The following DLGAP1 variants were observed in gnomAD, a reference collection of about 807,000 sequenced individuals.
DLGAP1 encodes disks large-associated protein 1.
A neutral mutation model predicts 90.8 loss-of-function variants in DLGAP1; 11 were observed. The observed-to-expected ratio is 0.12, with a 90% CI of 0.08 to 0.20. The LOEUF is 0.20. Among genes scored for constraint, DLGAP1 ranks in the 10% least tolerant of loss-of-function variants. The pLI, the probability that DLGAP1 is intolerant of heterozygous loss-of-function variation, is 1.00. For synonymous variants in DLGAP1, 558 were observed against 540.7 expected (o/e 1.03, Z -0.44); for missense variants, 1,050 against 1,333.8 (o/e 0.79, Z 3.31).
chr18:4,055,111 T>C (rs1472316320), intron 2 of DLGAP1, among the ~76,000 whole-genome samples: 1 of 152,170 alleles, frequency 6.6e-6, no homozygotes, highest in African/African-American at 2.4e-5. Flanking sequence ...ACAAGTTTGG[T>C]TCCTGCTCAT....
chr18:3,627,502 T>C (rs1440709637), intron 7 of DLGAP1, among the ~76,000 whole-genome samples: 1 of 151,602 alleles, frequency 6.6e-6, no homozygotes, highest in Non-Finnish European at 1.5e-5. Context: ...TCCCACACGC[T>C]ACAGTCCTAC....
At chr18:4,444,928 G>C (rs901157961) in intron 1 of DLGAP1, among the ~76,000 whole-genome samples, 3 of 152,170 alleles carry the variant, frequency 2.0e-5, no homozygotes, top group Admixed American at 6.5e-5. Flanking sequence ...TTTGTCCAAA[G>C]TCGTCTAGCT....
chr18:3,573,613 T>C (rs957234673), intron 8 of DLGAP1, among the ~76,000 whole-genome samples: 6 of 151,976 alleles, frequency 3.9e-5, no homozygotes, highest in African/African-American at 1.5e-4. Flanking sequence ...ATGATCCAAG[T>C]CCGTAACATT....
At chr18:4,195,161 A>G (rs1038316945) in intron 1 of DLGAP1, among the ~76,000 whole-genome samples, 1 of 152,194 alleles carries the variant, frequency 6.6e-6, no homozygotes, top group Non-Finnish European at 1.5e-5. Context: ...AGAATACTAC[A>G]GTTTTATCTA....
chr18:3,860,793 T>C (rs2070001777), intron 4 of DLGAP1, among the ~76,000 whole-genome samples: 1 of 152,196 alleles, frequency 6.6e-6, no homozygotes, highest in African/African-American at 2.4e-5. Context: ...ATGGGGGATA[T>C]AGGGCTGAAC....
At chr18:3,669,902 C>T (rs1791391) in intron 7 of DLGAP1, among the ~76,000 whole-genome samples, 98,273 of 151,940 alleles carry the variant, frequency 0.65, 33,812 homozygotes, top group African/African-American at 0.89. Context: ...CACACGACCA[C>T]TGGGGCTTCA....
intron 1 of DLGAP1, among the ~76,000 whole-genome samples, chr18:4,161,321 C>T (rs1361194339): frequency 6.6e-6 from 1 of 152,154 alleles, no homozygotes; most frequent in Non-Finnish European, 1.5e-5. Flanking sequence ...TCAACTCCCA[C>T]TTATGAATGA....
chr18:3,637,313 T>C (rs1260601818), intron 7 of DLGAP1, among the ~76,000 whole-genome samples: 1 of 152,102 alleles, frequency 6.6e-6, no homozygotes, highest in Non-Finnish European at 1.5e-5. Flanking sequence ...TGCAAATCCC[T>C]AGAAAAGTCT....
At chr18:4,444,166 G>A (rs534068987) in intron 1 of DLGAP1, among the ~76,000 whole-genome samples, 6 of 152,288 alleles carry the variant, frequency 3.9e-5, no homozygotes, top group Non-Finnish European at 8.8e-5. Context: ...CTGTGACCAC[G>A]AGGGAGACGC....
chr18:3,551,758 T>C (rs1162945543), intron 9 of DLGAP1, among the ~76,000 whole-genome samples: 2 of 95,474 alleles, frequency 2.1e-5, no homozygotes, highest in African/African-American at 8.2e-5. Flanking sequence ...CTTCCTTCCT[T>C]CCTTCCTTCC....
chr18:3,956,442 G>A (rs986381519), intron 3 of DLGAP1, among the ~76,000 whole-genome samples: 5 of 151,222 alleles, frequency 3.3e-5, no homozygotes, highest in East Asian at 2.0e-4. Context: ...TCCGCCTCCC[G>A]GGTTCACGCC....
chr18:4,453,857 G>C (rs1168005968), intron 1 of DLGAP1, among the ~76,000 whole-genome samples: 1 of 152,124 alleles, frequency 6.6e-6, no homozygotes, highest in African/African-American at 2.4e-5. Flanking sequence ...GAAGAGTCTC[G>C]CCTGGATCCA....
intron 3 of DLGAP1, among the ~76,000 whole-genome samples, chr18:3,922,007 G>T (rs1175086629): frequency 6.6e-6 from 1 of 152,054 alleles, no homozygotes; most frequent in Non-Finnish European, 1.5e-5. Context: ...GACCTGAGGG[G>T]ATGCCAACAT....
intron 11 of DLGAP1, among the ~76,000 whole-genome samples, chr18:3,504,635 C>T (rs1409226145): frequency 2.0e-5 from 3 of 152,132 alleles, no homozygotes; most frequent in Non-Finnish European, 4.4e-5. Flanking sequence ...CCTCCTGCCT[C>T]GACCTCCCAA....
intron 1 of DLGAP1, among the ~76,000 whole-genome samples, chr18:4,364,066 C>T (rs1245227456): frequency 1.3e-5 from 2 of 151,740 alleles, no homozygotes; most frequent in Non-Finnish European, 2.9e-5. Flanking sequence ...CCATGGAATA[C>T]TATGCAGCCA....
At chr18:4,422,656 ATATT>A (rs1433076768) in intron 1 of DLGAP1, among the ~76,000 whole-genome samples, 6 of 152,044 alleles carry the variant, frequency 3.9e-5, no homozygotes, top group Non-Finnish European at 7.4e-5. Flanking sequence ...TAAATTTGAA[ATATT>A]TATTTCCTAA....
At chr18:3,939,475 A>C (rs1049155592) in intron 3 of DLGAP1, among the ~76,000 whole-genome samples, 3 of 151,584 alleles carry the variant, frequency 2.0e-5, no homozygotes, top group Admixed American at 6.6e-5. Flanking sequence ...AACAAACAAA[A>C]AACCCCCCAA....
At chr18:3,698,225 T>C (rs1392915922) in intron 7 of DLGAP1, among the ~76,000 whole-genome samples, 1 of 152,224 alleles carries the variant, frequency 6.6e-6, no homozygotes, top group Non-Finnish European at 1.5e-5. Flanking sequence ...GATCCTGTCA[T>C]TATGATGTTT....
At chr18:3,956,681 C>T (rs1336738514) in intron 3 of DLGAP1, among the ~76,000 whole-genome samples, 38 of 152,136 alleles carry the variant, frequency 2.5e-4, no homozygotes, top group Admixed American at 2.4e-3. Context: ...GGGTCTCGCT[C>T]TGTCACCCAG....
Sources: allele counts gnomAD v4.1 joint callset (sites outside exome capture counted in the v4.1 genomes callset), GRCh38; gene constraint gnomAD v4.1.1; transcripts MANE v1.5; gene names NCBI Gene and HGNC (gene_info 2026-07-23, HGNC 2026-07-21).